Variants in PHACTR4 observed in about 807,000 individuals in gnomAD.
PHACTR4 encodes the protein protein phosphatase 1, regulatory subunit 124.
Under a neutral mutation model 72.7 loss-of-function variants are expected in PHACTR4, and 51 were observed. The observed-to-expected ratio is 0.70, with a 90% confidence interval of 0.56 to 0.89. PHACTR4 has a LOEUF of 0.89. Among genes scored for constraint, PHACTR4 ranks in the 40% least tolerant of loss-of-function variants. The probability of loss-of-function intolerance (pLI) is 0.00; values close to 1 mark genes in which losing one functional copy is unlikely to be tolerated. For missense variants in PHACTR4, 731 were observed against 861.8 expected, an observed-to-expected ratio of 0.85 and a Z score of 1.90; for synonymous variants, 255 against 302.5, an observed-to-expected ratio of 0.84 and a Z score of 1.63.
intron 1 of PHACTR4, among the ~76,000 whole-genome samples, chr1:28,400,875 C>T (rs1035455554): frequency 2.6e-5 from 4 of 152,124 alleles, no homozygotes; most frequent in Non-Finnish European, 5.9e-5. Context: ...CCACCACGCC[C>T]GGCCTGAGTG....
chr1:28,447,895 T>A (rs373943957), intron 2 of PHACTR4, among the ~76,000 whole-genome samples: 2 of 152,294 alleles, frequency 1.3e-5, no homozygotes. Context: ...CACAGGAAGT[T>A]GTGGGCCTTC....
At chr1:28,394,322 GAGAC>G (rs928749613) in intron 1 of PHACTR4, among the ~76,000 whole-genome samples, 18 of 149,690 alleles carry the variant, frequency 1.2e-4, no homozygotes, top group African/African-American at 2.7e-4. Flanking sequence ...AGGGAGGAGA[GAGAC>G]AGAGCAGAGA....
At chr1:28,476,722 T>C (rs1420292282) in intron 8 of PHACTR4, among the ~76,000 whole-genome samples, 1 of 151,256 alleles carries the variant, frequency 6.6e-6, no homozygotes, top group Non-Finnish European at 1.5e-5. Context: ...TTTTTTGTTT[T>C]GTTTTTTGTT....
At chr1:28,441,590 A>G (rs781134563) in intron 2 of PHACTR4, among the ~76,000 whole-genome samples, 1 of 152,230 alleles carries the variant, frequency 6.6e-6, no homozygotes, top group Non-Finnish European at 1.5e-5. Flanking sequence ...AATGTACATT[A>G]GGAATCTATG....
chr1:28,472,967 C>T (rs1349226016), intron 6 of PHACTR4, among the ~76,000 whole-genome samples: 1 of 151,284 alleles, frequency 6.6e-6, no homozygotes, highest in South Asian at 2.1e-4. Context: ...ATTAACTACA[C>T]CAAGATCAAG....
chr1:28,432,241 A>G (rs1656317768), intron 2 of PHACTR4, among the ~76,000 whole-genome samples: 1 of 151,564 alleles, frequency 6.6e-6, no homozygotes, highest in South Asian at 2.1e-4. Context: ...TATGCCCAGC[A>G]ATTTATAGGT....
At chr1:28,478,102 C>G (rs1660038295) in intron 8 of PHACTR4, among the ~76,000 whole-genome samples, 1 of 152,140 alleles carries the variant, frequency 6.6e-6, no homozygotes, top group South Asian at 2.1e-4. Context: ...TTATTACCTC[C>G]ATGAGATCAA....
chr1:28,446,909 C>T (rs756815784), intron 2 of PHACTR4, among the ~76,000 whole-genome samples: 99 of 152,310 alleles, frequency 6.5e-4, no homozygotes, highest in Middle Eastern at 3.4e-3. Context: ...CGAAGCCAGG[C>T]AGATACTAGC....
intron 2 of PHACTR4, among the ~76,000 whole-genome samples, chr1:28,412,956 C>G (rs1287625263): frequency 6.6e-6 from 1 of 152,120 alleles, no homozygotes; most frequent in Non-Finnish European, 1.5e-5. Context: ...CACCACTACC[C>G]CCGGGCCACA....
chr1:28,405,117 T>C (rs555522011), intron 1 of PHACTR4, among the ~76,000 whole-genome samples: 1 of 152,330 alleles, frequency 6.6e-6, no homozygotes, highest in East Asian at 1.9e-4. Flanking sequence ...CATGTGCCTA[T>C]TGACTGTATA....
chr1:28,382,545 C>G (rs542063184), intron 1 of PHACTR4, among the ~76,000 whole-genome samples: 7 of 152,084 alleles, frequency 4.6e-5, no homozygotes, highest in African/African-American at 1.7e-4. Flanking sequence ...CCTCGTGATC[C>G]GCCCGCCTCA....
In PHACTR4 at chr1:28,493,104, A is replaced by AGACAG; in HGVS notation, c.2093+16_2093+17insAGGAC. On this transcript the variant is annotated intron_variant, in intron 13 of 13. Transcript: ENST00000373839. Reference sequence around the variant, plus strand: ...AACATTTTACACGGTAAGACCCAAAAGACCCAATCATATATGTGCTAGGTA... The same window carrying AGACAG: ...AACATTTTACACGGTAAGACCCAAAAGACAGGACCCAATCATATATGTGCTAGGTA... The AGACAG allele has an allele frequency of 6.2e-7, 1 of 1,603,740 alleles. No homozygotes were observed. Among genetic ancestry groups the AGACAG allele is most frequent in the Non-Finnish European group, 8.5e-7 (1 of 1,170,608 alleles).
rs367581911 is a variant in PHACTR4 at position 28,474,036 on chromosome 1, G to A, written c.1306G>A (p.Glu436Lys). ...TSPLPMTPIL[E>K]GSHRAHSLLF... ...CCCACTTCCCATGACTCCTATTCTG[G>A]AGGGTTCTCACAGAGCTCATTCGTT... is the stretch of plus-strand genomic sequence containing the variant. Residue 436 changes from glutamate (E) to lysine (K), a missense_variant, in exon 7 of 14, where the codon GAG becomes AAG. Physicochemically the swap from Glu to Lys is moderately conservative, Grantham distance 56. Transcript: ENST00000373839. 6.2e-7 allele frequency: 1 copy of A among 1,614,156 alleles called. No individual in the cohort carries two copies. The highest frequency in any genetic ancestry group is 8.5e-7 in the Non-Finnish European group (1 of 1,180,038).
At chr1:28,377,813 C>G (rs1651800351) in intron 1 of PHACTR4, among the ~76,000 whole-genome samples, 1 of 144,624 alleles carries the variant, frequency 6.9e-6, no homozygotes, top group South Asian at 2.2e-4. Context: ...CCCAGGTAGA[C>G]AGAGTGAAAG....
chr1:28,396,996 A>G (rs527290198), intron 1 of PHACTR4, among the ~76,000 whole-genome samples: 1 of 151,702 alleles, frequency 6.6e-6, no homozygotes, highest in South Asian at 2.1e-4. Flanking sequence ...CCTGGCCGTG[A>G]TATGCTTTTA....
intron 1 of PHACTR4, among the ~76,000 whole-genome samples, chr1:28,388,325 G>A (rs905977005): frequency 3.9e-5 from 6 of 152,156 alleles, no homozygotes; most frequent in South Asian, 2.1e-4. Context: ...CAAAATATGC[G>A]ACAAAACTGA....
chr1:28,380,415 G>A (rs1449705211), intron 1 of PHACTR4, among the ~76,000 whole-genome samples: 1 of 152,058 alleles, frequency 6.6e-6, no homozygotes, highest in African/African-American at 2.4e-5. Flanking sequence ...AGGTAAACTT[G>A]TATCATGGAG....
chr1:28,372,919 G>A (rs909780976), intron 1 of PHACTR4, among the ~76,000 whole-genome samples: 1 of 149,374 alleles, frequency 6.7e-6, no homozygotes, highest in African/African-American at 2.5e-5. Flanking sequence ...TTGCTTAATT[G>A]TACAAACATG....
At chr1:28,438,061 T>TA in intron 2 of PHACTR4, 1 of 904,276 alleles carries the variant, frequency 1.1e-6, no homozygotes, top group African/African-American at 1.8e-5. Flanking sequence ...ACTTTTGGGC[T>TA]ATGCCAGTCA....
Sources: allele counts gnomAD v4.1 joint callset (sites outside exome capture counted in the v4.1 genomes callset), GRCh38; gene constraint gnomAD v4.1.1; transcripts MANE v1.5; gene names NCBI Gene and HGNC (gene_info 2026-07-23, HGNC 2026-07-21).